The following PACRG variants were observed in gnomAD, a reference collection of about 807,000 sequenced individuals.
PACRG encodes the protein parkin coregulated.
A neutral mutation model predicts 29.7 loss-of-function variants in PACRG; 29 were observed. That is an observed-to-expected ratio of 0.98 (90% CI 0.73 to 1.33). The LOEUF is 1.33. Among genes scored for constraint, PACRG ranks in the 40% most tolerant of loss-of-function variants. The pLI is 0.00. For synonymous variants in PACRG, 116 were observed against 118.7 expected, an observed-to-expected ratio of 0.98 and a Z score of 0.15; for missense variants, 279 against 316.2, an observed-to-expected ratio of 0.88 and a Z score of 0.89.
At chr6:162,817,823 C>T (rs532813271) in intron 2 of PACRG, among the ~76,000 whole-genome samples, 112 of 152,082 alleles carry the variant, frequency 7.4e-4, no homozygotes, top group Admixed American at 1.7e-3. Context: ...AGTGAAAAAA[C>T]GGGACTCATC....
At chr6:163,028,294 G>A (rs556150187) in intron 2 of PACRG, among the ~76,000 whole-genome samples, 3 of 152,150 alleles carry the variant, frequency 2.0e-5, no homozygotes, top group Admixed American at 6.5e-5. Context: ...CTGCTTAGAA[G>A]CTGCTGTATC....
intron 4 of PACRG, among the ~76,000 whole-genome samples, chr6:163,292,429 T>A (rs1309626402): frequency 6.6e-6 from 1 of 152,070 alleles, no homozygotes; most frequent in Admixed American, 6.5e-5. Flanking sequence ...TGAGATGGAG[T>A]CTTGCTCTGT....
chr6:163,253,888 C>A (rs1783003630), intron 4 of PACRG, among the ~76,000 whole-genome samples: 1 of 152,200 alleles, frequency 6.6e-6, no homozygotes, highest in Non-Finnish European at 1.5e-5. Context: ...GAGCAGGGCT[C>A]CCAGCTCTGA....
intron 2 of PACRG, among the ~76,000 whole-genome samples, chr6:163,037,783 G>C (rs1808344744): frequency 6.6e-6 from 1 of 152,170 alleles, no homozygotes; most frequent in Non-Finnish European, 1.5e-5. Context: ...GAGGGTCTGG[G>C]ACTGTACTGC....
In PACRG at chr6:162,743,521, T is replaced by C. The variant is rs371767512; in HGVS notation, c.156+15130T>C. ...TAATTTATTAATGTTTTTTCCTTGA[T>C]TGGATTTATTTATGCTTTGGTTTTC... On this transcript the variant is annotated intron_variant, in intron 1 of 4. Transcript: ENST00000366888. 7.2e-5 allele frequency among the ~76,000 whole-genome samples: 11 copies of C among 152,266 alleles called. No homozygotes were observed. In the East Asian group the frequency reaches 9.6e-4, roughly 13 times the overall value.
chr6:162,919,605 A>G (rs1584756847), intron 2 of PACRG, among the ~76,000 whole-genome samples: 1 of 152,330 alleles, frequency 6.6e-6, no homozygotes, highest in East Asian at 1.9e-4. Flanking sequence ...GATGTAACAG[A>G]CAAGGGTCTG....
chr6:163,115,882 T>G (rs944189014), intron 4 of PACRG, among the ~76,000 whole-genome samples: 4 of 152,206 alleles, frequency 2.6e-5, no homozygotes, highest in African/African-American at 7.2e-5. Context: ...GGCCCTCCAG[T>G]GCAACCACGC....
intron 4 of PACRG, among the ~76,000 whole-genome samples, chr6:163,232,296 C>T (rs1782075646): frequency 6.6e-6 from 1 of 152,174 alleles, no homozygotes; most frequent in African/African-American, 2.4e-5. Context: ...CCGCTGGGGC[C>T]TGGCTACTCC....
chr6:162,931,070 C>T (rs921477373), intron 2 of PACRG, among the ~76,000 whole-genome samples: 1 of 151,716 alleles, frequency 6.6e-6, no homozygotes, highest in Non-Finnish European at 1.5e-5. Context: ...ATTTTGGTAT[C>T]AGAGTAATGC....
intron 2 of PACRG, among the ~76,000 whole-genome samples, chr6:162,955,980 G>T (rs1799997760): frequency 1.3e-5 from 2 of 152,112 alleles, no homozygotes; most frequent in South Asian, 2.1e-4. Context: ...GGTGGTGGGA[G>T]AGGAGCCTCT....
chr6:162,738,555 C>T (rs1457962858), intron 1 of PACRG, among the ~76,000 whole-genome samples: 1 of 152,164 alleles, frequency 6.6e-6, no homozygotes, highest in Non-Finnish European at 1.5e-5. Flanking sequence ...TGCACTTGCT[C>T]TTGGAAGCAT....
At chr6:163,149,323 C>A (rs116056432) in intron 4 of PACRG, among the ~76,000 whole-genome samples, 1,748 of 152,256 alleles carry the variant, frequency 0.011, 35 homozygotes, top group African/African-American at 0.04. Context: ...CCGGCTCCCC[C>A]TTCCATCCTC....
chr6:162,875,610 C>T (rs1268819452), intron 2 of PACRG, among the ~76,000 whole-genome samples: 1 of 152,226 alleles, frequency 6.6e-6, no homozygotes, highest in Non-Finnish European at 1.5e-5. Flanking sequence ...GTTTTTGTTT[C>T]ACATAGGTTG....
chr6:162,902,754 AATC>A (rs1245459610), intron 2 of PACRG, among the ~76,000 whole-genome samples: 2 of 152,168 alleles, frequency 1.3e-5, no homozygotes, highest in Non-Finnish European at 2.9e-5. Flanking sequence ...TTTAGACAAA[AATC>A]ATCCTATAGT....
intron 4 of PACRG, among the ~76,000 whole-genome samples, chr6:163,150,433 G>A (rs547594749): frequency 2.0e-5 from 3 of 152,118 alleles, no homozygotes; most frequent in East Asian, 3.9e-4. Flanking sequence ...CTGCTCCCTC[G>A]CCTGTGCTCA....
At chr6:162,992,061 G>A (rs1325751698) in intron 2 of PACRG, among the ~76,000 whole-genome samples, 1 of 142,184 alleles carries the variant, frequency 7.0e-6, no homozygotes, top group Admixed American at 6.8e-5. Context: ...TGCGTATATT[G>A]AACCAGCCTT....
intron 4 of PACRG, among the ~76,000 whole-genome samples, chr6:163,237,096 A>G (rs6455883): frequency 0.71 from 107,643 of 151,760 alleles, 38,842 homozygotes; most frequent in African/African-American, 0.84. Context: ...CACAGAGCCA[A>G]ACTATATCAT....
intron 1 of PACRG, among the ~76,000 whole-genome samples, chr6:162,759,032 T>C (rs1400179850): frequency 6.6e-6 from 1 of 152,212 alleles, no homozygotes; most frequent in East Asian, 1.9e-4. Context: ...TGAAGAAAAC[T>C]TAGACTACTT....
intron 2 of PACRG, among the ~76,000 whole-genome samples, chr6:162,863,995 A>G (rs1315016124): frequency 6.6e-6 from 1 of 151,882 alleles, no homozygotes; most frequent in African/African-American, 2.4e-5. Context: ...GCTTTGATGC[A>G]TCTGTTTTCT....
Sources: gnomAD v4.1 joint callset for allele counts (sites outside exome capture counted in the v4.1 genomes callset) on GRCh38, gnomAD v4.1.1 for gene constraint, MANE v1.5 for transcripts, NCBI Gene and HGNC (gene_info 2026-07-23, HGNC 2026-07-21) for gene names.